Variants in PTPRN2 observed in about 807,000 individuals in gnomAD.
The protein encoded by PTPRN2 is protein tyrosine phosphatase receptor type N2.
PTPRN2 carries 74 observed loss-of-function variants against 118.8 expected under a neutral mutation model. The ratio of observed to expected loss-of-function variants is 0.62; its 90% CI spans 0.52 to 0.76. PTPRN2 has a LOEUF of 0.76. Among genes scored for constraint, PTPRN2 ranks in the 30% least tolerant of loss-of-function variants. The probability of loss-of-function intolerance (pLI) is 0.00; values close to 1 mark genes in which losing one functional copy is unlikely to be tolerated. For synonymous variants in PTPRN2, 641 were observed against 608.0 expected, an observed-to-expected ratio of 1.05 and a Z score of -0.80; for missense variants, 1,481 against 1,394.4, an observed-to-expected ratio of 1.06 and a Z score of -0.99.
intron 1 of PTPRN2, among the ~76,000 whole-genome samples, chr7:158,537,952 C>G (rs1825744172): frequency 3.9e-5 from 6 of 152,246 alleles, no homozygotes; most frequent in Admixed American, 3.3e-4. Flanking sequence ...AGTAGCAGAA[C>G]TGCATTTTAA....
chr7:157,707,789 G>A (rs1041782116), intron 12 of PTPRN2, among the ~76,000 whole-genome samples: 2 of 152,080 alleles, frequency 1.3e-5, no homozygotes, highest in Non-Finnish European at 2.9e-5. Context: ...TAGTAGAGAC[G>A]GGGTTTCACC....
chr7:157,855,223 C>G (rs1039036512), intron 12 of PTPRN2, among the ~76,000 whole-genome samples: 1 of 151,532 alleles, frequency 6.6e-6, no homozygotes, highest in Non-Finnish European at 1.5e-5. Context: ...GATGGCTGCA[C>G]CATTGCAGGC....
At chr7:157,767,223 C>T (rs185304572) in intron 12 of PTPRN2, among the ~76,000 whole-genome samples, 6 of 152,312 alleles carry the variant, frequency 3.9e-5, no homozygotes, top group East Asian at 1.9e-4. Context: ...CAGCACTCCA[C>T]GTCCATCATC....
chr7:157,800,713 G>T (rs918536053), intron 12 of PTPRN2, among the ~76,000 whole-genome samples: 4 of 151,994 alleles, frequency 2.6e-5, no homozygotes, highest in Non-Finnish European at 4.4e-5. Context: ...AGCACTTTGG[G>T]AGGCCGAGGC....
intron 12 of PTPRN2, among the ~76,000 whole-genome samples, chr7:157,811,713 G>T (rs1424868601): frequency 6.6e-6 from 1 of 152,052 alleles, no homozygotes; most frequent in Admixed American, 6.5e-5. Flanking sequence ...GCCGGCCCCT[G>T]TGCCGAGACT....
intron 5 of PTPRN2, among the ~76,000 whole-genome samples, chr7:158,178,953 G>A (rs1235998352): frequency 6.6e-6 from 1 of 152,154 alleles, no homozygotes; most frequent in Non-Finnish European, 1.5e-5. Flanking sequence ...ATTGTGAATT[G>A]TGCTGCAATA....
At chr7:157,655,638 G>A (rs1481377147) in intron 14 of PTPRN2, among the ~76,000 whole-genome samples, 3 of 152,280 alleles carry the variant, frequency 2.0e-5, no homozygotes, top group East Asian at 1.9e-4. Context: ...CAGAGGCTCC[G>A]TCTCCAGTGC....
intron 13 of PTPRN2, among the ~76,000 whole-genome samples, chr7:157,669,337 C>A (rs1418494675): frequency 6.6e-6 from 1 of 152,252 alleles, no homozygotes; most frequent in Non-Finnish European, 1.5e-5. Context: ...TCTGGTGACA[C>A]AGTCCCACCG....
Position 157,783,397 on chromosome 7 carries a change from G to A in PTPRN2, c.1789-100460C>T, listed in dbSNP as rs567524113. Among the ~76,000 whole-genome samples the A allele has an allele frequency of 2.7e-3, 413 of 151,336 alleles. 4 individuals carry two copies. Among genetic ancestry groups the A allele is most frequent in the Non-Finnish European group, 4.8e-3 (327 of 67,926 alleles). On this transcript the variant is annotated intron_variant, in intron 12 of 22. Coordinates refer to ENST00000389418, the MANE Select transcript of PTPRN2 (RefSeq NM_002847.5). ...CCTCACCACACAGCCTGGGACATAC[G>A]TCCATCCATACCTAGGAAGGTTCAT...
intron 13 of PTPRN2, among the ~76,000 whole-genome samples, chr7:157,664,474 T>C (rs534232750): frequency 4.6e-5 from 7 of 152,330 alleles, no homozygotes; most frequent in African/African-American, 1.7e-4. Context: ...GAGTTTAAAA[T>C]ACAGAACGGT....
intron 3 of PTPRN2, among the ~76,000 whole-genome samples, chr7:158,234,955 G>T (rs1334130481): frequency 6.6e-6 from 1 of 152,120 alleles, no homozygotes; most frequent in Non-Finnish European, 1.5e-5. Flanking sequence ...GTAGAGACGG[G>T]GTTTCACCAT....
rs78085390 is a variant in PTPRN2 at position 158,512,096 on chromosome 7, G to A, written c.113-22311C>T. 4.9e-3 allele frequency among the ~76,000 whole-genome samples: 749 copies of A among 152,244 alleles called. 10 individuals are homozygous for A. Among genetic ancestry groups the A allele is most frequent in the African/African-American group, 0.017 (687 of 41,538 alleles). ...TCCCGGGACAGAATGCCATGCAGAC[G>A]GTGATGACAGAATCCTGCAGCATCA... On this transcript the variant is annotated intron_variant, in intron 1 of 22. Coordinates refer to ENST00000389418, the MANE Select transcript of PTPRN2 (RefSeq NM_002847.5).
chr7:157,805,054 T>A (rs995999998), intron 12 of PTPRN2, among the ~76,000 whole-genome samples: 2 of 152,204 alleles, frequency 1.3e-5, no homozygotes, highest in Non-Finnish European at 2.9e-5. Context: ...CAGTCCTCTC[T>A]CTGCCTGGAA....
chr7:157,753,089 C>G (rs1042478934), intron 12 of PTPRN2, among the ~76,000 whole-genome samples: 6 of 152,210 alleles, frequency 3.9e-5, no homozygotes, highest in Non-Finnish European at 8.8e-5. Flanking sequence ...CACAGGCACC[C>G]TCTCCAGGCC....
At position 157,690,814 on chromosome 7, in the gene PTPRN2, G is replaced by C. The variant is rs1304047669; in HGVS notation, c.1789-7877C>G. Among the ~76,000 whole-genome samples, 1 of 149,254 alleles carries C rather than the reference G, an allele frequency of 6.7e-6. No individual in the cohort carries two copies. On this transcript the variant is annotated intron_variant, in intron 12 of 22. Transcript: ENST00000389418. The surrounding 1 kb of genome is among the most constrained non-coding windows in gnomAD (Gnocchi z 7.1). ...CGGCACGGGCTCGGAGCCCGCAGGC[G>C]CCGGAGCTCTGCGCGGCCGCTCGGC...
intron 3 of PTPRN2, among the ~76,000 whole-genome samples, chr7:158,256,068 G>T (rs893609237): frequency 6.6e-6 from 1 of 152,242 alleles, no homozygotes; most frequent in East Asian, 1.9e-4. Context: ...TGCAGGTGCT[G>T]TGTGTTCTGT....
At chr7:157,758,121 G>A (rs1252808299) in intron 12 of PTPRN2, among the ~76,000 whole-genome samples, 2 of 152,240 alleles carry the variant, frequency 1.3e-5, no homozygotes, top group Non-Finnish European at 1.5e-5. Context: ...ATGCGGTCGC[G>A]GGATGGGATG....
rs774213099 is a variant in PTPRN2 at position 157,801,436 on chromosome 7, G to A, written c.1788+97237C>T. Reference sequence around the variant, plus strand: ...GAGAGTGCTGCGTTAACCCAGGTGCGGGGGATATTATCCTCCCCGTGAGAG... The same window carrying A: ...GAGAGTGCTGCGTTAACCCAGGTGCAGGGGATATTATCCTCCCCGTGAGAG... On this transcript the variant is annotated intron_variant, in intron 12 of 22. Transcript: ENST00000389418. The surrounding 1 kb of genome is among the most constrained non-coding windows in gnomAD (Gnocchi z 4.2). 3.9e-5 allele frequency among the ~76,000 whole-genome samples: 6 copies of A among 152,076 alleles called. No individual in the cohort carries two copies. The highest frequency in any genetic ancestry group is 5.9e-5 in the Non-Finnish European group (4 of 68,032).
At position 157,824,229 on chromosome 7, in the gene PTPRN2, C is replaced by T. The variant is rs544422250; in HGVS notation, c.1788+74444G>A. 9.2e-5 allele frequency among the ~76,000 whole-genome samples: 14 copies of T among 152,052 alleles called. No homozygotes were observed. The East Asian group carries it at 1.5e-3, about 17-fold the overall frequency. ...GGCAGGGGCGAGCTCAGCTTGCCGA[C>T]GGCTGCCAGAGAGTCACCCTCCTGA... is the stretch of plus-strand genomic sequence containing the variant. On this transcript the variant is annotated intron_variant, in intron 12 of 22. Transcript: ENST00000389418.
Sources: gnomAD v4.1 joint callset for allele counts (sites outside exome capture counted in the v4.1 genomes callset) on GRCh38, gnomAD v4.1.1 for gene constraint, Gnocchi (gnomAD v3.1) non-coding constraint, MANE v1.5 for transcripts, NCBI Gene and HGNC (gene_info 2026-07-23, HGNC 2026-07-21) for gene names.